The following XKR6 variants were observed in gnomAD, a reference collection of about 807,000 sequenced individuals.
The protein encoded by XKR6 is XK related 6.
XKR6 carries 22 observed loss-of-function variants against 56.7 expected under a neutral mutation model. That is an observed-to-expected ratio of 0.39 (90% CI 0.28 to 0.55). The LOEUF (loss-of-function observed/expected upper bound fraction) is 0.55, where lower values mean the gene tolerates loss of function less well. Ranked by LOEUF, XKR6 falls within the 20% of genes least tolerant of loss-of-function variation. The probability of loss-of-function intolerance (pLI) is 0.66; values close to 1 mark genes in which losing one functional copy is unlikely to be tolerated. For synonymous variants in XKR6, 524 were observed against 387.8 expected (o/e 1.35, Z -4.13); for missense variants, 852 against 889.0 (o/e 0.96, Z 0.53).
intron 2 of XKR6, among the ~76,000 whole-genome samples, chr8:10,903,507 C>T (rs535023314): frequency 1.2e-4 from 18 of 151,926 alleles, no homozygotes; most frequent in African/African-American, 4.4e-4. Flanking sequence ...TAAGTTGTGT[C>T]CCCCCCACAA....
intron 1 of XKR6, among the ~76,000 whole-genome samples, chr8:10,957,798 G>A (rs1420469055): frequency 1.3e-5 from 2 of 152,072 alleles, no homozygotes; most frequent in Non-Finnish European, 2.9e-5. Flanking sequence ...TGGGGAGTGG[G>A]GAAATCCACA....
intron 1 of XKR6, among the ~76,000 whole-genome samples, chr8:11,014,465 A>G (rs1036631839): frequency 3.9e-5 from 6 of 152,138 alleles, no homozygotes; most frequent in African/African-American, 1.4e-4. Flanking sequence ...ATTACACAAC[A>G]GGCCCTGCAA....
chr8:11,026,262 C>A (rs1310568139), intron 1 of XKR6, among the ~76,000 whole-genome samples: 2 of 151,368 alleles, frequency 1.3e-5, no homozygotes, highest in Non-Finnish European at 2.9e-5. Context: ...GCCTACTACA[C>A]TCTTAATGGT....
At chr8:10,971,306 G>C (rs1456205857) in intron 1 of XKR6, among the ~76,000 whole-genome samples, 1 of 151,532 alleles carries the variant, frequency 6.6e-6, no homozygotes, top group African/African-American at 2.4e-5. Context: ...CTGTAGTCCC[G>C]GCTACTCGGG....
chr8:10,964,741 C>G (rs1236312691), intron 1 of XKR6, among the ~76,000 whole-genome samples: 3 of 152,228 alleles, frequency 2.0e-5, no homozygotes, highest in Non-Finnish European at 4.4e-5. Context: ...GGCCCCTCAT[C>G]CCTTGATTTC....
chr8:10,913,927 G>C (rs550341760), intron 2 of XKR6, among the ~76,000 whole-genome samples: 2 of 152,206 alleles, frequency 1.3e-5, no homozygotes, highest in Non-Finnish European at 2.9e-5. Flanking sequence ...GCAGATAACA[G>C]GTTTCAGAAG....
rs534172347 is a variant in XKR6 at position 11,110,806 on chromosome 8, T to C, written c.764+89770A>G. Among the ~76,000 whole-genome samples the C allele has an allele frequency of 5.9e-5, 9 of 152,102 alleles. No individual in the cohort carries two copies. The South Asian group carries it at 1.2e-3, about 21-fold the overall frequency. ...TCTGAAAGTAGCCCACAGTTTTAAATAGCATGTTCAGGTACATGGAATACA... is the reference window on the plus strand; with the variant it reads ...TCTGAAAGTAGCCCACAGTTTTAAACAGCATGTTCAGGTACATGGAATACA... On this transcript the variant is annotated intron_variant, in intron 1 of 2. Transcript: ENST00000416569.
At chr8:11,073,691 C>A (rs1227393630) in intron 1 of XKR6, among the ~76,000 whole-genome samples, 1 of 152,200 alleles carries the variant, frequency 6.6e-6, no homozygotes. Flanking sequence ...CTGATACCTG[C>A]ACTGCACGTA....
chr8:11,115,949 G>A (rs368718335), intron 1 of XKR6, among the ~76,000 whole-genome samples: 1 of 152,128 alleles, frequency 6.6e-6, no homozygotes, highest in Non-Finnish European at 1.5e-5. Flanking sequence ...GAAGTTCATA[G>A]GTCTCAGAAA....
At chr8:11,144,155 G>C (rs996509365) in intron 1 of XKR6, among the ~76,000 whole-genome samples, 1 of 151,826 alleles carries the variant, frequency 6.6e-6, no homozygotes, top group Non-Finnish European at 1.5e-5. Flanking sequence ...GAGGGGGCTT[G>C]AGGGATGCAC....
intron 1 of XKR6, among the ~76,000 whole-genome samples, chr8:11,057,524 G>A (rs754490760): frequency 1.3e-5 from 2 of 152,198 alleles, no homozygotes; most frequent in African/African-American, 4.8e-5. Flanking sequence ...ACGACAACAC[G>A]CTGAGGTAAG....
chr8:11,199,107 T>G (rs1430837868), intron 1 of XKR6, among the ~76,000 whole-genome samples: 1 of 152,210 alleles, frequency 6.6e-6, no homozygotes, highest in Non-Finnish European at 1.5e-5. Flanking sequence ...TCACTTCTTA[T>G]AAACTTATCA....
chr8:11,175,070 C>G (rs552863754), intron 1 of XKR6: 1 of 152,462 alleles, frequency 6.6e-6, no homozygotes, highest in African/African-American at 2.4e-5. Context: ...TCACTTGACC[C>G]AGAAAACCCT....
chr8:11,036,994 GC>G (rs990576009), intron 1 of XKR6, among the ~76,000 whole-genome samples: 1 of 152,192 alleles, frequency 6.6e-6, no homozygotes, highest in African/African-American at 2.4e-5. Flanking sequence ...GGGTATGAAA[GC>G]CAGCTGAAAA....
At chr8:11,149,303 G>A (rs1456766410) in intron 1 of XKR6, among the ~76,000 whole-genome samples, 1 of 152,170 alleles carries the variant, frequency 6.6e-6, no homozygotes, top group African/African-American at 2.4e-5. Context: ...CTACCATAGT[G>A]AATGCTGTAG....
chr8:10,948,316 C>T (rs2129126074), intron 1 of XKR6, among the ~76,000 whole-genome samples: 1 of 152,304 alleles, frequency 6.6e-6, no homozygotes, highest in East Asian at 1.9e-4. Flanking sequence ...TGTCCCTCAT[C>T]CCATGCAGCT....
chr8:11,167,635 C>T (rs1021313941), intron 1 of XKR6, among the ~76,000 whole-genome samples: 3 of 152,134 alleles, frequency 2.0e-5, no homozygotes, highest in African/African-American at 7.2e-5. Context: ...TAGAAAGCCA[C>T]ACACATGCTC....
intron 1 of XKR6, among the ~76,000 whole-genome samples, chr8:11,064,043 C>T (rs916016048): frequency 6.6e-6 from 1 of 152,212 alleles, no homozygotes; most frequent in Non-Finnish European, 1.5e-5. Context: ...CAACATCCAT[C>T]AGTCCTTCCC....
At chr8:10,951,047 C>T (rs1467434961) in intron 1 of XKR6, among the ~76,000 whole-genome samples, 1 of 152,168 alleles carries the variant, frequency 6.6e-6, no homozygotes, top group Non-Finnish European at 1.5e-5. Context: ...CCTGTGCTTT[C>T]CAAATTGTCA....
Sources: gnomAD v4.1 joint callset for allele counts (sites outside exome capture counted in the v4.1 genomes callset) on GRCh38, gnomAD v4.1.1 for gene constraint, MANE v1.5 for transcripts, NCBI Gene and HGNC (gene_info 2026-07-23, HGNC 2026-07-21) for gene names.